Variants in NBPF14 observed in about 807,000 individuals in gnomAD.
NBPF14 encodes NBPF family member NBPF14.
A neutral mutation model predicts 91.2 loss-of-function variants in NBPF14; 104 were observed. The ratio of observed to expected loss-of-function variants is 1.14; its 90% CI spans 0.97 to 1.34. The LOEUF (loss-of-function observed/expected upper bound fraction) is 1.34, where lower values mean the gene tolerates loss of function less well. Ranked by LOEUF, NBPF14 falls within the 40% of genes most tolerant of loss-of-function variation. NBPF14 has a pLI of 0.00. For missense variants in NBPF14, 908 were observed against 783.0 expected, an observed-to-expected ratio of 1.16 and a Z score of -1.91; for synonymous variants, 294 against 303.8, an observed-to-expected ratio of 0.97 and a Z score of 0.34.
intron 68 of NBPF14, among the ~76,000 whole-genome samples, chr1:148,535,219 T>C (rs1408965620): frequency 7.4e-5 from 11 of 149,642 alleles, no homozygotes; most frequent in South Asian, 2.1e-4. Flanking sequence ...CAAGATTCCA[T>C]ACAGTTGCCA....
chr1:148,566,558 CAG>C (rs1422183065), intron 28 of NBPF14, among the ~76,000 whole-genome samples: 1 of 141,788 alleles, frequency 7.1e-6, no homozygotes, highest in African/African-American at 2.5e-5. Flanking sequence ...CACACACACA[CAG>C]AGAACGAGCT....
chr1:148,534,602 G>C (rs1179875142), intron 69 of NBPF14, 82 bp downstream of exon 69: 9 of 902,954 alleles, frequency 1.0e-5, no homozygotes, highest in Middle Eastern at 3.3e-4. Flanking sequence ...TCTCGGGTGA[G>C]TAAGGGCCAC....
exon 71 of NBPF14, chr1:148,532,346 C>T (rs1482417335): frequency 1.9e-5 from 3 of 157,452 alleles, no homozygotes; most frequent in Admixed American, 6.0e-5. Context: ...CTCCTGACTC[C>T]TGACCTCTAC....
In NBPF14 at chr1:148,575,637, A is replaced by G; in HGVS notation, c.2251+2T>C. 1 of 169,838 alleles carries G rather than the reference A, an allele frequency of 5.9e-6. No individual in the cohort carries two copies. The highest frequency in any genetic ancestry group is 1.1e-5 in the Non-Finnish European group (1 of 94,360). 10.5% of individuals were successfully genotyped at this position (169,838 alleles called of 1,614,324 possible). A position where few individuals can be genotyped will look rare whatever the true frequency, so the allele number is the denominator to read the frequency against. The stretch of plus-strand genomic sequence containing the variant: ...TTATCACCTTCACAGTAAGGTACTC[A>G]CTGTCCACGTCAAGAGCCAAGCCAA... On this transcript the variant is annotated splice_donor_variant, in intron 17 of 70. Transcript: ENST00000619423. LOFTEE classifies it high-confidence loss of function.
intron 28 of NBPF14, 37 bp from the exon 29 acceptor site, chr1:148,566,352 G>T (rs1175551347): frequency 5.3e-6 from 4 of 751,022 alleles, no homozygotes; most frequent in Admixed American, 3.5e-5. Flanking sequence ...TAAGCCAGGG[G>T]AAATCAGACA....
intron 68 of NBPF14, among the ~76,000 whole-genome samples, chr1:148,535,142 C>T (rs1418800481): frequency 1.3e-5 from 2 of 148,258 alleles, no homozygotes; most frequent in East Asian, 4.0e-4. Flanking sequence ...TGAGTTAGTG[C>T]CCTCGGGACA....
At chr1:148,569,596 GA>G (rs1157045130) in intron 24 of NBPF14, among the ~76,000 whole-genome samples, 169 bp from the exon 25 acceptor site, 7 of 33,076 alleles carry the variant, frequency 2.1e-4, no homozygotes, top group Non-Finnish European at 3.1e-4. Flanking sequence ...GGGCCAGATA[GA>G]AAACAATGAA....
intron 28 of NBPF14, among the ~76,000 whole-genome samples, chr1:148,566,681 T>C (rs1658490989): frequency 7.9e-6 from 1 of 125,952 alleles, no homozygotes; most frequent in Non-Finnish European, 1.7e-5. Flanking sequence ...CTCAATAATT[T>C]TCCATAAAAT....
chr1:148,571,234 GAC>G (rs1187478824), intron 22 of NBPF14, among the ~76,000 whole-genome samples, 197 bp from the exon 23 acceptor site: 4 of 72,800 alleles, frequency 5.5e-5, no homozygotes, highest in South Asian at 4.8e-4. Flanking sequence ...AAGACAGATA[GAC>G]ACACACACAC....
At chr1:148,557,715 A>G (rs1656923021) in intron 39 of NBPF14, among the ~76,000 whole-genome samples, 173 bp from the exon 40 acceptor site, 4 of 130,186 alleles carry the variant, frequency 3.1e-5, no homozygotes, top group Admixed American at 7.6e-5. Flanking sequence ...CTTGCTTTGC[A>G]TCTCAGAACC....
At chr1:148,539,280 T>C (rs1460173715) in intron 63 of NBPF14, 130 bp downstream of exon 63, 6 of 635,996 alleles carry the variant, frequency 9.4e-6, no homozygotes, top group African/African-American at 5.5e-5. Flanking sequence ...CTTTACAACC[T>C]ATATGCGCCC....
chr1:148,566,553 AC>A (rs2149516165), intron 28 of NBPF14, among the ~76,000 whole-genome samples: 1 of 144,560 alleles, frequency 6.9e-6, no homozygotes, highest in Non-Finnish European at 1.6e-5. Flanking sequence ...ACACACACAC[AC>A]ACACAGAGAA....
intron 20 of NBPF14, among the ~76,000 whole-genome samples, 159 bp from the exon 21 acceptor site, chr1:148,572,774 G>C (rs1276157343): frequency 1.4e-5 from 1 of 71,846 alleles, no homozygotes; most frequent in Admixed American, 1.3e-4. Flanking sequence ...GGATAGAACA[G>C]GGCCAGATAG....
chr1:148,576,001 C>T (rs1208661932), intron 16 of NBPF14, among the ~76,000 whole-genome samples, 190 bp from the exon 17 acceptor site: 1 of 145,878 alleles, frequency 6.9e-6, no homozygotes, highest in Non-Finnish European at 1.5e-5. Flanking sequence ...AAGAGAAAGA[C>T]AGGGAGAGGG....
At position 148,572,747 on chromosome 1, in the gene NBPF14, T is replaced by C. The variant is rs1299337582; in HGVS notation, c.2586-132A>G. On this transcript the variant is annotated intron_variant, in intron 20 of 70. Coordinates refer to ENST00000619423, the Ensembl canonical transcript of NBPF14. The stretch of plus-strand genomic sequence containing the variant: ...ACAGATCCATTAATGAGGTAACAAA[T>C]TATTGCCTTTATGTTGGGATAGAAC... 6.4e-5 allele frequency: 36 copies of C among 559,036 alleles called. 3 individuals carry two copies. Among genetic ancestry groups the C allele is most frequent in the Middle Eastern group, 4.4e-4 (1 of 2,268 alleles). 34.6% of individuals were successfully genotyped at this position (559,036 alleles called of 1,614,324 possible).
At position 148,566,268 on chromosome 1, in the gene NBPF14, T is replaced by G. The variant is rs1267480297; in HGVS notation, c.3590A>C (p.Asp1197Ala). The change falls in exon 29 of 71, where the codon GAC becomes GCC. Residue 1197 changes from aspartate to alanine, a missense_variant. Physicochemically the swap from Asp to Ala is moderately radical, Grantham distance 126 (BLOSUM62 -2). Coordinates refer to ENST00000619423, the Ensembl canonical transcript of NBPF14. ...AGTTGAATAACATCTATCCAGTGAG[T>G]CCTGCAAGACTTCAGGCTCTACTAC... is the stretch of plus-strand genomic sequence containing the variant. 4.6e-6 allele frequency: 3 copies of G among 653,730 alleles called. 1 individual carries two copies. In the South Asian group the frequency reaches 4.8e-5, roughly 10 times the overall value. The allele number at this position is 653,730 out of a possible 1,614,324, so 40.5% of individuals were successfully genotyped here. A position where few individuals can be genotyped will look rare whatever the true frequency, so the allele number is the denominator to read the frequency against.
At chr1:148,534,456 G>A (rs1421968531) in intron 69 of NBPF14, among the ~76,000 whole-genome samples, 4 of 151,712 alleles carry the variant, frequency 2.6e-5, no homozygotes, top group Non-Finnish European at 4.4e-5. Context: ...AATAGGATCA[G>A]GGCGCCACAG....
intron 16 of NBPF14, among the ~76,000 whole-genome samples, 155 bp downstream of exon 16, chr1:148,576,255 C>T (rs1349046428): frequency 4.8e-5 from 6 of 125,338 alleles, no homozygotes; most frequent in Non-Finnish European, 8.0e-5. Flanking sequence ...AAATGGAAAC[C>T]TAAGCATCTA....
At chr1:148,589,758 A>C (rs1402285022) in intron 6 of NBPF14, among the ~76,000 whole-genome samples, 2 of 144,904 alleles carry the variant, frequency 1.4e-5, no homozygotes, top group African/African-American at 5.0e-5. Flanking sequence ...TTTGAGACGG[A>C]GTCTCACTCT....
Sources: allele counts gnomAD v4.1 joint callset (sites outside exome capture counted in the v4.1 genomes callset), GRCh38; gene constraint gnomAD v4.1.1; transcripts MANE v1.5; gene names NCBI Gene and HGNC (gene_info 2026-07-23, HGNC 2026-07-21).